The following CERKL variants were observed in gnomAD, a reference collection of about 807,000 sequenced individuals.
CERKL encodes CERK like autophagy regulator.
In CERKL, 61 loss-of-function variants were observed where a neutral mutation model predicts 63.4. The observed-to-expected ratio is 0.96, with a 90% confidence interval of 0.78 to 1.19. CERKL has a LOEUF of 1.19. CERKL is among the 50% of genes most tolerant of loss of function. The pLI is 0.00. For missense variants in CERKL, 675 were observed against 655.5 expected, an observed-to-expected ratio of 1.03 and a Z score of -0.33; for synonymous variants, 250 against 230.5, an observed-to-expected ratio of 1.08 and a Z score of -0.77.
chr2:181,600,097 G>A (rs1037979198), intron 2 of CERKL, among the ~76,000 whole-genome samples: 1 of 152,112 alleles, frequency 6.6e-6, no homozygotes, highest in Non-Finnish European at 1.5e-5. Context: ...TTCATAATCT[G>A]CCAAATTAAG....
At chr2:181,636,920 A>G (rs189670065) in intron 1 of CERKL, among the ~76,000 whole-genome samples, 22 of 152,314 alleles carry the variant, frequency 1.4e-4, no homozygotes, top group African/African-American at 4.8e-4. Context: ...TTTTGTCAAT[A>G]TATCTTCCTG....
intron 5 of CERKL, among the ~76,000 whole-genome samples, chr2:181,554,889 C>A (rs528575260): frequency 3.3e-5 from 5 of 152,082 alleles, no homozygotes; most frequent in African/African-American, 1.2e-4. Context: ...ATTAAATATA[C>A]CCCACACATG....
At chr2:181,539,578 G>C (rs758583893) in intron 11 of CERKL, among the ~76,000 whole-genome samples, 9 of 152,134 alleles carry the variant, frequency 5.9e-5, no homozygotes, top group Non-Finnish European at 1.3e-4. Flanking sequence ...CTGGCCTGTA[G>C]ATACAGAAGA....
chr2:181,641,633 A>T (rs980588611), intron 1 of CERKL, among the ~76,000 whole-genome samples: 1 of 152,206 alleles, frequency 6.6e-6, no homozygotes, highest in Non-Finnish European at 1.5e-5. Flanking sequence ...TTCTATGTAG[A>T]AACAAAGACT....
chr2:181,636,764 A>G (rs1272690069), intron 1 of CERKL, among the ~76,000 whole-genome samples: 1 of 152,090 alleles, frequency 6.6e-6, no homozygotes, highest in Non-Finnish European at 1.5e-5. Context: ...ATTAAAGTTT[A>G]CCCTCGAACC....
At chr2:181,594,359 C>A (rs1289810313) in intron 2 of CERKL, among the ~76,000 whole-genome samples, 1 of 151,824 alleles carries the variant, frequency 6.6e-6, no homozygotes, top group South Asian at 2.1e-4. Context: ...AGAGTAAGTG[C>A]CTGGTTTGCT....
chr2:181,542,013 C>G (rs1179156224), intron 11 of CERKL, among the ~76,000 whole-genome samples: 3 of 152,042 alleles, frequency 2.0e-5, no homozygotes, highest in African/African-American at 7.2e-5. Flanking sequence ...TCAGACAGTT[C>G]AAAAGTGAGG....
At chr2:181,538,999 G>A in intron 12 of CERKL, 93 bp downstream of exon 12, 1 of 943,246 alleles carries the variant, frequency 1.1e-6, no homozygotes, top group South Asian at 1.3e-5. Flanking sequence ...CTAACCAACT[G>A]CCTGCTTTGA....
At chr2:181,656,193 G>C (rs116744743) in intron 1 of CERKL, among the ~76,000 whole-genome samples, 1 of 152,078 alleles carries the variant, frequency 6.6e-6, no homozygotes, top group African/African-American at 2.4e-5. Context: ...TTTCTAGACC[G>C]AGCCTGAAGA....
At chr2:181,630,974 T>A (rs1372119) in intron 1 of CERKL, among the ~76,000 whole-genome samples, 112,560 of 152,120 alleles carry the variant, frequency 0.74, 42,988 homozygotes, top group East Asian at 0.94. Context: ...CGCCAATGAG[T>A]GAAAAACCAA....
intron 1 of CERKL, among the ~76,000 whole-genome samples, chr2:181,608,142 C>T (rs969291895): frequency 6.6e-6 from 1 of 151,860 alleles, no homozygotes; most frequent in Admixed American, 6.6e-5. Context: ...GTAACTGGGA[C>T]CACAGGTGTG....
At chr2:181,648,149 G>C (rs767181141) in intron 1 of CERKL, among the ~76,000 whole-genome samples, 5 of 152,090 alleles carry the variant, frequency 3.3e-5, no homozygotes, top group Non-Finnish European at 5.9e-5. Flanking sequence ...CAAATATTGG[G>C]GGAGATATAG....
At chr2:181,645,299 A>C (rs1197256788) in intron 1 of CERKL, among the ~76,000 whole-genome samples, 1 of 152,232 alleles carries the variant, frequency 6.6e-6, no homozygotes, top group Non-Finnish European at 1.5e-5. Context: ...GGCAAAACTA[A>C]AGTTCATGAG....
chr2:181,636,774 C>T (rs1017732181), intron 1 of CERKL, among the ~76,000 whole-genome samples: 4 of 152,146 alleles, frequency 2.6e-5, no homozygotes, highest in Admixed American at 1.3e-4. Context: ...ACCCTCGAAC[C>T]TCTCTGTAGC....
chr2:181,641,006 T>C lies in CERKL; in HGVS notation c.238+15763A>G, dbSNP rs150686884. ...AAGTGTTTGCCTTCAGATGCTGCCA[T>C]GTGGACATAGCATATTTAGGAATAA... On this transcript the variant is annotated intron_variant, in intron 1 of 12. Transcript: ENST00000410087. Among the ~76,000 whole-genome samples, 92 of 152,292 alleles carry C rather than the reference T, an allele frequency of 6.0e-4. 1 individual carries two copies. Among genetic ancestry groups the C allele is most frequent in the Middle Eastern group, 6.8e-3 (2 of 294 alleles).
intron 1 of CERKL, among the ~76,000 whole-genome samples, chr2:181,616,468 TC>T (rs1330533316): frequency 6.6e-6 from 1 of 152,134 alleles, no homozygotes; most frequent in Non-Finnish European, 1.5e-5. Context: ...TGCCTCGGCC[TC>T]CCAAAGTGTT....
At chr2:181,588,175 C>T (rs182604366) in intron 2 of CERKL, among the ~76,000 whole-genome samples, 3 of 152,176 alleles carry the variant, frequency 2.0e-5, no homozygotes, top group African/African-American at 7.2e-5. Flanking sequence ...CTATACTCAC[C>T]ATGGTATACA....
chr2:181,626,209 C>T (rs6719318), intron 1 of CERKL, among the ~76,000 whole-genome samples: 27,003 of 152,032 alleles, frequency 0.18, 3,805 homozygotes, highest in African/African-American at 0.39. Flanking sequence ...CTCTCCCTTC[C>T]TGTTATTTTA....
intron 4 of CERKL, chr2:181,565,458 T>C: frequency 6.2e-7 from 1 of 1,612,534 alleles, no homozygotes; most frequent in Non-Finnish European, 8.5e-7. Flanking sequence ...TGCATGCCAG[T>C]GAACAATCTC....
Sources: gnomAD v4.1 joint callset for allele counts (sites outside exome capture counted in the v4.1 genomes callset) on GRCh38, gnomAD v4.1.1 for gene constraint, MANE v1.5 for transcripts, NCBI Gene and HGNC (gene_info 2026-07-23, HGNC 2026-07-21) for gene names.